PIK3C2G: variants seen among roughly 807,000 people sequenced by gnomAD.
PIK3C2G encodes the protein phosphatidylinositol-4-phosphate 3-kinase catalytic subunit type 2 gamma.
Under a neutral mutation model 181.1 loss-of-function variants are expected in PIK3C2G, and 168 were observed. The ratio of observed to expected loss-of-function variants is 0.93; its 90% CI spans 0.82 to 1.05. The LOEUF is 1.05. Among genes scored for constraint, PIK3C2G ranks in the 50% least tolerant of loss-of-function variants. The pLI is 0.00. For missense variants in PIK3C2G, 1,869 were observed against 1,732.8 expected, an observed-to-expected ratio of 1.08 and a Z score of -1.40; for synonymous variants, 573 against 592.2, an observed-to-expected ratio of 0.97 and a Z score of 0.47.
At chr12:18,686,984 GA>G in the PIK3C2G span, among the ~76,000 whole-genome samples, 1 of 152,008 alleles carries the variant, frequency 6.6e-6, no homozygotes, top group African/African-American at 2.4e-5. Context: ...ATTTTGTGAT[GA>G]AGATTCAAGT....
chr12:18,497,563 CT>C (rs1941115382), intron 21 of PIK3C2G, 55 bp from the exon 22 acceptor site: 1 of 1,458,290 alleles, frequency 6.9e-7, no homozygotes, highest in Admixed American at 1.8e-5. Flanking sequence ...TATTTGACTG[CT>C]TTTAATTAAC....
chr12:18,248,211 C>T (rs2136939985), intron 1 of PIK3C2G: 1 of 152,226 alleles, frequency 6.6e-6, no homozygotes, highest in Non-Finnish European at 1.5e-5. Context: ...AAATTCTCTC[C>T]CTCTCTTCTC....
intron 20 of PIK3C2G, among the ~76,000 whole-genome samples, chr12:18,491,867 T>A (rs896025505): frequency 6.6e-6 from 1 of 152,150 alleles, no homozygotes; most frequent in Non-Finnish European, 1.5e-5. Context: ...TAAAAATGAT[T>A]GATTTGGTGA....
the PIK3C2G span, among the ~76,000 whole-genome samples, chr12:18,659,422 A>G: frequency 6.6e-6 from 1 of 152,278 alleles, no homozygotes; most frequent in East Asian, 1.9e-4. Flanking sequence ...CTGATACTCT[A>G]TCATCCCTGC....
intron 6 of PIK3C2G, among the ~76,000 whole-genome samples, chr12:18,318,905 G>A (rs971305461): frequency 6.3e-4 from 95 of 151,574 alleles, no homozygotes; most frequent in African/African-American, 2.3e-3. Flanking sequence ...GACCAGCCTG[G>A]CCAACATAGT....
At chr12:18,709,503 CT>C in the PIK3C2G span, among the ~76,000 whole-genome samples, 1 of 146,030 alleles carries the variant, frequency 6.8e-6, no homozygotes, top group Non-Finnish European at 1.5e-5. Flanking sequence ...TATTTGAAGT[CT>C]TTTATCCTTC....
intron 9 of PIK3C2G, among the ~76,000 whole-genome samples, chr12:18,341,774 A>C (rs1939166473): frequency 6.6e-6 from 1 of 152,162 alleles, no homozygotes; most frequent in Non-Finnish European, 1.5e-5. Flanking sequence ...TTAAGATTGA[A>C]GAAATGACAA....
chr12:18,348,442 C>T (rs1939893049), intron 11 of PIK3C2G, among the ~76,000 whole-genome samples: 1 of 151,738 alleles, frequency 6.6e-6, no homozygotes, highest in Non-Finnish European at 1.5e-5. Flanking sequence ...TTGTTATATA[C>T]AGGTAGATGT....
the PIK3C2G span, among the ~76,000 whole-genome samples, chr12:18,697,994 A>C: frequency 6.6e-6 from 1 of 151,882 alleles, no homozygotes; most frequent in Non-Finnish European, 1.5e-5. Context: ...TTTTGCAAGT[A>C]TTTAATATGA....
intron 18 of PIK3C2G, among the ~76,000 whole-genome samples, chr12:18,454,624 T>A (rs2135906263): frequency 6.6e-6 from 1 of 151,954 alleles, no homozygotes; most frequent in South Asian, 2.1e-4. Context: ...GAGAATAGAA[T>A]TAAGGAGACA....
Position 18,352,005 on chromosome 12 carries a change from C to T in PIK3C2G, c.1625+5169C>T, listed in dbSNP as rs549430423. Among the ~76,000 whole-genome samples, 600 of 152,226 alleles carry T rather than the reference C, an allele frequency of 3.9e-3. 1 individual carries two copies. Among genetic ancestry groups the T allele is most frequent in the African/African-American group, 0.014 (564 of 41,536 alleles). ...GGATGTTCGCATAACAATAAAATCA[C>T]CTAATGATGCAATTCTCACAATATA... On this transcript the variant is annotated intron_variant, in intron 11 of 32. Coordinates refer to ENST00000538779, the MANE Select transcript of PIK3C2G (RefSeq NM_001288772.2).
intron 1 of PIK3C2G, among the ~76,000 whole-genome samples, chr12:18,278,255 C>A (rs1480489755): frequency 6.6e-6 from 1 of 152,154 alleles, no homozygotes. Context: ...TCTGGAGGCT[C>A]CAAGGTAGAG....
rs768930289 is a variant in PIK3C2G at position 18,391,218 on chromosome 12, A to T, written c.2092A>T (p.Ile698Phe). 1 of 1,602,064 alleles carries T rather than the reference A, an allele frequency of 6.2e-7. No homozygotes were observed. The highest frequency in any genetic ancestry group is 8.5e-7 in the Non-Finnish European group (1 of 1,174,364). Residue 698 changes from isoleucine (I) to phenylalanine (F), a missense_variant, in exon 15 of 33, where the codon ATT (isoleucine) becomes TTT (phenylalanine). Physicochemically the swap from Ile to Phe is conservative, Grantham distance 21 (BLOSUM62 0). Coordinates refer to ENST00000538779, the MANE Select transcript of PIK3C2G (RefSeq NM_001288772.2). ...GCCACTAAAGGAGTGTATAAAACAT[A>T]TTGCCAGACTTTCACAGAAACAGAC... ...EEPLKECIKH[I>F]ARLSQKQTPL...
At chr12:18,556,681 C>A (rs867853823) in intron 26 of PIK3C2G, among the ~76,000 whole-genome samples, 1 of 152,080 alleles carries the variant, frequency 6.6e-6, no homozygotes, top group African/African-American at 2.4e-5. Context: ...CTCCATAAAT[C>A]ATGATTAATA....
intron 18 of PIK3C2G, among the ~76,000 whole-genome samples, chr12:18,453,761 C>T (rs1947487085): frequency 1.3e-5 from 2 of 151,924 alleles, no homozygotes; most frequent in Non-Finnish European, 2.9e-5. Flanking sequence ...AAGTAATTTG[C>T]TATCAAAAAA....
At chr12:18,692,325 T>A in the PIK3C2G span, among the ~76,000 whole-genome samples, 1 of 152,186 alleles carries the variant, frequency 6.6e-6, no homozygotes, top group East Asian at 1.9e-4. Context: ...GGTACAGTTA[T>A]AGCCTAAAAT....
intron 31 of PIK3C2G, among the ~76,000 whole-genome samples, chr12:18,633,177 G>A (rs1171706901): frequency 6.6e-6 from 1 of 152,070 alleles, no homozygotes; most frequent in African/African-American, 2.4e-5. Context: ...ATATTTCATT[G>A]TTTAAATACT....
intron 6 of PIK3C2G, among the ~76,000 whole-genome samples, chr12:18,318,660 G>A (rs566150809): frequency 5.9e-5 from 9 of 151,490 alleles, no homozygotes; most frequent in African/African-American, 1.2e-4. Context: ...CCATTACCTC[G>A]CAGTAGATAC....
the PIK3C2G span, among the ~76,000 whole-genome samples, chr12:18,702,491 T>A: frequency 6.6e-6 from 1 of 152,162 alleles, no homozygotes; most frequent in Admixed American, 6.5e-5. Flanking sequence ...GGTTATAAAG[T>A]AAAGTTCTTT....
Sources: allele counts gnomAD v4.1 joint callset (sites outside exome capture counted in the v4.1 genomes callset), GRCh38; gene constraint gnomAD v4.1.1; transcripts MANE v1.5; gene names NCBI Gene and HGNC (gene_info 2026-07-23, HGNC 2026-07-21).